Variants in CTNNA3 observed in about 807,000 individuals in gnomAD.
CTNNA3 encodes the protein catenin alpha-3.
CTNNA3 carries 76 observed loss-of-function variants against 95.7 expected under a neutral mutation model. That is an observed-to-expected ratio of 0.79 (90% CI 0.66 to 0.96). CTNNA3 has a LOEUF of 0.96. Ranked by LOEUF, CTNNA3 falls within the 40% of genes least tolerant of loss-of-function variation. The pLI, the probability that CTNNA3 is intolerant of heterozygous loss-of-function variation, is 0.00. For missense variants in CTNNA3, 1,191 were observed against 1,089.8 expected (o/e 1.09, Z -1.31); for synonymous variants, 431 against 374.4 (o/e 1.15, Z -1.74).
At chr10:67,218,193 T>C (rs1296902631) in intron 6 of CTNNA3, among the ~76,000 whole-genome samples, 1 of 152,170 alleles carries the variant, frequency 6.6e-6, no homozygotes, top group African/African-American at 2.4e-5. Context: ...CTATCTACTC[T>C]AACAAATTTC....
intron 9 of CTNNA3, among the ~76,000 whole-genome samples, chr10:66,750,183 A>T (rs926829589): frequency 6.6e-6 from 1 of 152,162 alleles, no homozygotes. Flanking sequence ...TATTCTCTTC[A>T]TATTATCTTT....
At chr10:67,095,254 A>G (rs16924022) in intron 7 of CTNNA3, among the ~76,000 whole-genome samples, 3,195 of 151,796 alleles carry the variant, frequency 0.021, 100 homozygotes, top group African/African-American at 0.066. Flanking sequence ...CAACTTTAAA[A>G]TGCACTCTCA....
At chr10:66,228,040 A>C (rs2089406063) in intron 13 of CTNNA3, among the ~76,000 whole-genome samples, 1 of 151,962 alleles carries the variant, frequency 6.6e-6, no homozygotes, top group Admixed American at 6.6e-5. Context: ...TTTTTGATTT[A>C]TGTGGGTCAT....
In CTNNA3 at chr10:66,612,769, C is replaced by T. The variant is rs374731730; in HGVS notation, c.1374+8923G>A. Among the ~76,000 whole-genome samples, 34 of 152,128 alleles carry T rather than the reference C, an allele frequency of 2.2e-4. 2 individuals carry two copies. Among genetic ancestry groups the T allele is most frequent in the Admixed American group, 1.4e-3 (22 of 15,260 alleles). ...TTTCTATTACATGTTTTTCCATCTC[C>T]GTTGCCTAGAATGCCCTTTTCGTAT... On this transcript the variant is annotated intron_variant, in intron 10 of 17. Transcript: ENST00000433211.
intron 7 of CTNNA3, among the ~76,000 whole-genome samples, chr10:67,038,916 C>T (rs899600133): frequency 1.3e-5 from 2 of 151,730 alleles, no homozygotes; most frequent in African/African-American, 4.8e-5. Context: ...CTATAAAATC[C>T]AGATAACTTG....
In CTNNA3 at chr10:66,061,144, A is replaced by T. The variant is rs187909459; in HGVS notation, c.2159+8164T>A. Among the ~76,000 whole-genome samples the T allele has an allele frequency of 2.4e-3, 368 of 152,218 alleles. 2 individuals carry two copies. The highest frequency in any genetic ancestry group is 7.8e-3 in the African/African-American group (326 of 41,574). ...AGGAATGGCCCTTCACCAAGGAGAA[A>T]TCATGTTTTCAAATCATAAAGCCTG... On this transcript the variant is annotated intron_variant, in intron 15 of 17. Coordinates refer to ENST00000433211, the MANE Select transcript of CTNNA3 (RefSeq NM_013266.4).
intron 13 of CTNNA3, among the ~76,000 whole-genome samples, chr10:66,249,328 G>C (rs1322856542): frequency 6.6e-6 from 1 of 152,044 alleles, no homozygotes. Flanking sequence ...TCCACAAAGT[G>C]AAGAGACAAC....
chr10:66,374,199 A>T (rs1474419026), intron 12 of CTNNA3, among the ~76,000 whole-genome samples: 1 of 152,214 alleles, frequency 6.6e-6, no homozygotes, highest in Non-Finnish European at 1.5e-5. Context: ...AGGACATTAC[A>T]ATCTAGTGGG....
At chr10:66,678,979 T>C (rs927868459) in intron 9 of CTNNA3, among the ~76,000 whole-genome samples, 15 of 152,280 alleles carry the variant, frequency 9.9e-5, no homozygotes, top group African/African-American at 2.9e-4. Context: ...TATATTTCCC[T>C]AAGGATTCTG....
At chr10:66,932,439 T>TA (rs1473817015) in intron 7 of CTNNA3, among the ~76,000 whole-genome samples, 23 of 152,066 alleles carry the variant, frequency 1.5e-4, no homozygotes, top group African/African-American at 5.1e-4. Context: ...CCATGAGAAA[T>TA]AAAAAATTCA....
chr10:65,930,987 T>C (rs1046631431), intron 17 of CTNNA3, among the ~76,000 whole-genome samples: 12 of 152,328 alleles, frequency 7.9e-5, no homozygotes, highest in African/African-American at 2.6e-4. Flanking sequence ...TTCTGATTTT[T>C]AAATAAAACA....
intron 5 of CTNNA3, among the ~76,000 whole-genome samples, chr10:67,221,112 T>TTCA (rs1864631383): frequency 6.6e-6 from 1 of 152,138 alleles, no homozygotes. Context: ...AGAAAAAACA[T>TTCA]TCATGAAAAA....
At chr10:66,829,876 T>TTGC (rs936891371) in intron 7 of CTNNA3, among the ~76,000 whole-genome samples, 20 of 150,738 alleles carry the variant, frequency 1.3e-4, no homozygotes, top group African/African-American at 4.4e-4. Flanking sequence ...GTTGTTGTTG[T>TTGC]TGTTGTTGAG....
intron 7 of CTNNA3, among the ~76,000 whole-genome samples, chr10:66,804,134 T>C (rs893990808): frequency 6.6e-6 from 1 of 152,042 alleles, no homozygotes. Flanking sequence ...GCTCTGTGTA[T>C]GACACCTATC....
intron 1 of CTNNA3, among the ~76,000 whole-genome samples, chr10:67,762,498 G>T (rs1160256863): frequency 1.3e-5 from 2 of 151,930 alleles, no homozygotes; most frequent in Non-Finnish European, 2.9e-5. Context: ...GGGAAGGGAA[G>T]GTTACAGAAG....
rs991081411 is a variant in CTNNA3, at chr10:67,266,556, T to C, written c.580-46686A>G. ...ATTGATATCATCTAATATTGAATAT[T>C]AGATTCCAGCATTTTGAATCCTCAA... On this transcript the variant is annotated intron_variant, in intron 5 of 17. Transcript: ENST00000433211. Among the ~76,000 whole-genome samples, 12 of 152,186 alleles carry C rather than the reference T, an allele frequency of 7.9e-5. 1 individual carries two copies. Among genetic ancestry groups the C allele is most frequent in the African/African-American group, 2.2e-4 (9 of 41,454 alleles).
intron 15 of CTNNA3, among the ~76,000 whole-genome samples, chr10:66,017,718 C>T (rs555461379): frequency 6.6e-6 from 1 of 152,148 alleles, no homozygotes; most frequent in East Asian, 1.9e-4. Flanking sequence ...CCAAACAGAA[C>T]TATTGTTAAC....
chr10:66,299,877 T>C (rs926417030), intron 12 of CTNNA3, among the ~76,000 whole-genome samples: 2 of 152,062 alleles, frequency 1.3e-5, no homozygotes. Flanking sequence ...CCAGAAATAG[T>C]AAAATACAAT....
intron 10 of CTNNA3, among the ~76,000 whole-genome samples, chr10:66,603,712 G>C (rs1401520657): frequency 6.6e-6 from 1 of 152,016 alleles, no homozygotes; most frequent in African/African-American, 2.4e-5. Flanking sequence ...AAACAGTATG[G>C]TACTAGCATG....
Sources: gnomAD v4.1 joint callset for allele counts (sites outside exome capture counted in the v4.1 genomes callset) on GRCh38, gnomAD v4.1.1 for gene constraint, MANE v1.5 for transcripts, NCBI Gene and HGNC (gene_info 2026-07-23, HGNC 2026-07-21) for gene names.